The following SPTLC2 variants were observed in gnomAD, a reference collection of about 807,000 sequenced individuals.
SPTLC2 encodes serine palmitoyltransferase 2.
Under a neutral mutation model 62.0 loss-of-function variants are expected in SPTLC2, and 21 were observed. The observed-to-expected ratio is 0.34, with a 90% CI of 0.24 to 0.49. The LOEUF is 0.49. Ranked by LOEUF, SPTLC2 falls within the 20% of genes least tolerant of loss-of-function variation. The pLI, the probability that SPTLC2 is intolerant of heterozygous loss-of-function variation, is 0.99. For synonymous variants in SPTLC2, 261 were observed against 261.8 expected (o/e 1.00, Z 0.03); for missense variants, 511 against 713.0 (o/e 0.72, Z 3.23).
chr14:77,513,375 T>G (rs12436626), intron 11 of SPTLC2, among the ~76,000 whole-genome samples: 10,232 of 152,240 alleles, frequency 0.067, 522 homozygotes, highest in Admixed American at 0.16. Context: ...CCAGTATTAC[T>G]GATGTATTGT....
At chr14:77,549,860 C>T (rs898686650) in intron 9 of SPTLC2, among the ~76,000 whole-genome samples, 2 of 152,200 alleles carry the variant, frequency 1.3e-5, no homozygotes, top group Non-Finnish European at 2.9e-5. Context: ...GGTAATGTGT[C>T]ACACAGATCC....
At chr14:77,572,122 A>G (rs1315053437) in intron 4 of SPTLC2, among the ~76,000 whole-genome samples, 1 of 152,256 alleles carries the variant, frequency 6.6e-6, no homozygotes, top group African/African-American at 2.4e-5. Context: ...CCATAAAGGC[A>G]TAATGTATCC....
intron 9 of SPTLC2, among the ~76,000 whole-genome samples, chr14:77,522,304 G>A (rs1488065159): frequency 4.6e-5 from 7 of 151,856 alleles, no homozygotes; most frequent in Admixed American, 1.3e-4. Context: ...CTGGGGTTAC[G>A]GGTGCACATC....
Position 77,512,383 on chromosome 14 carries a change from T to G in SPTLC2, c.1590A>C (p.Glu530Asp), listed in dbSNP as rs769662642. The change falls in exon 12 of 12, where the codon GAA becomes GAC. Residue 530 changes from glutamate (E) to aspartate (D), a missense_variant. Physicochemically the swap from Glu to Asp is conservative, Grantham distance 45. Transcript: ENST00000216484. ...ILDTALKEIDEVGDLLQLKYS... is the reference protein window; with the variant it reads ...ILDTALKEIDDVGDLLQLKYS... ...ACTTCAGCTGCAATAGGTCCCCAACTTCATCTATCTCCTTTAAAGCCTAAA... is the reference window on the plus strand; with the variant it reads ...ACTTCAGCTGCAATAGGTCCCCAACGTCATCTATCTCCTTTAAAGCCTAAA... 6.2e-6 allele frequency: 10 copies of G among 1,614,238 alleles called. No individual in the cohort carries two copies. The highest frequency in any genetic ancestry group is 7.6e-6 in the Non-Finnish European group (9 of 1,180,040).
chr14:77,597,544 G>A (rs1235497228), intron 1 of SPTLC2, among the ~76,000 whole-genome samples, 164 bp from the exon 2 acceptor site: 1 of 152,102 alleles, frequency 6.6e-6, no homozygotes, highest in Non-Finnish European at 1.5e-5. Context: ...GGAGGCTGAG[G>A]CGGGCAGATC....
intron 1 of SPTLC2, among the ~76,000 whole-genome samples, chr14:77,610,886 T>C (rs2079931810): frequency 1.3e-5 from 2 of 150,300 alleles, no homozygotes; most frequent in Admixed American, 1.3e-4. Flanking sequence ...TCTCCCTCTC[T>C]CTCTGTCTCC....
At chr14:77,533,478 C>T (rs1026815048) in intron 9 of SPTLC2, among the ~76,000 whole-genome samples, 4 of 152,102 alleles carry the variant, frequency 2.6e-5, no homozygotes, top group Non-Finnish European at 4.4e-5. Flanking sequence ...GGACCTAACA[C>T]CTTTACCAAA....
rs1458871280 is a variant in SPTLC2, at chr14:77,521,530, C to T, written c.1355G>A (p.Arg452His). The change falls in exon 10 of 12, where the codon CGC becomes CAC. Residue 452 changes from arginine to histidine, a missense_variant. Coordinates refer to ENST00000216484, the MANE Select transcript of SPTLC2 (RefSeq NM_004863.4). Reference protein sequence around the residue: ...LAENTRYFRRRLKEMGFIIYG... With the variant: ...LAENTRYFRRHLKEMGFIIYG... ...GATGATGAAGCCCATCTCTTTCAGGCGTCTCCTGAAATACCTGGTGTTTTC... is the reference window on the plus strand; with the variant it reads ...GATGATGAAGCCCATCTCTTTCAGGTGTCTCCTGAAATACCTGGTGTTTTC... 5.6e-6 allele frequency: 9 copies of T among 1,613,454 alleles called. No homozygotes were observed. Among genetic ancestry groups the T allele is most frequent in the East Asian group, 2.2e-5 (1 of 44,886 alleles).
chr14:77,608,521 T>C (rs957209665), intron 1 of SPTLC2, among the ~76,000 whole-genome samples: 6 of 152,358 alleles, frequency 3.9e-5, no homozygotes, highest in South Asian at 4.1e-4. Flanking sequence ...TCAATACTTA[T>C]TGAGTCCCTG....
At chr14:77,549,613 C>T (rs1035715977) in intron 9 of SPTLC2, among the ~76,000 whole-genome samples, 2 of 152,140 alleles carry the variant, frequency 1.3e-5, no homozygotes, top group East Asian at 3.8e-4. Flanking sequence ...CAGCCCCAGA[C>T]AACAGAGCAA....
intron 6 of SPTLC2, among the ~76,000 whole-genome samples, chr14:77,559,319 T>A (rs2079602337): frequency 6.6e-6 from 1 of 151,770 alleles, no homozygotes; most frequent in Non-Finnish European, 1.5e-5. Context: ...CAAGACTGTT[T>A]CAAAAAAAAG....
intron 1 of SPTLC2, among the ~76,000 whole-genome samples, chr14:77,609,869 C>A (rs1489635927): frequency 2.0e-5 from 3 of 152,068 alleles, no homozygotes; most frequent in African/African-American, 7.2e-5. Flanking sequence ...AACAGTAACA[C>A]CCTGAATCAA....
At chr14:77,586,535 T>C (rs1566788114) in intron 2 of SPTLC2, among the ~76,000 whole-genome samples, 1 of 152,164 alleles carries the variant, frequency 6.6e-6, no homozygotes, top group Non-Finnish European at 1.5e-5. Context: ...TAACAAAATG[T>C]GGTATATCCA....
intron 8 of SPTLC2, chr14:77,554,948 G>T: frequency 1.2e-5 from 4 of 333,974 alleles, no homozygotes; most frequent in South Asian, 5.4e-5. Context: ...TATTCCCATG[G>T]GCTCCCATGA....
intron 2 of SPTLC2, among the ~76,000 whole-genome samples, chr14:77,580,460 A>G (rs1185851212): frequency 1.4e-5 from 2 of 146,690 alleles, no homozygotes; most frequent in Admixed American, 7.1e-5. Flanking sequence ...CCTGGGCAAC[A>G]GAATGAGACT....
At chr14:77,533,403 G>C (rs2079451569) in intron 9 of SPTLC2, among the ~76,000 whole-genome samples, 1 of 151,660 alleles carries the variant, frequency 6.6e-6, no homozygotes, top group Admixed American at 6.6e-5. Flanking sequence ...ATGCTCTCTA[G>C]GATGACTGGA....
At chr14:77,559,166 A>C (rs922497976) in intron 6 of SPTLC2, among the ~76,000 whole-genome samples, 8 of 151,576 alleles carry the variant, frequency 5.3e-5, no homozygotes, top group Admixed American at 4.0e-4. Context: ...CTAAAAATAC[A>C]AAAAAAATTA....
At chr14:77,576,662 T>A (rs1249758904) in intron 4 of SPTLC2, 105 bp downstream of exon 4, 1 of 1,488,016 alleles carries the variant, frequency 6.7e-7, no homozygotes, top group Non-Finnish European at 9.3e-7. Flanking sequence ...CTAAATGACA[T>A]GACAAAGTGT....
chr14:77,608,739 C>T (rs2079918533), intron 1 of SPTLC2, among the ~76,000 whole-genome samples: 1 of 151,952 alleles, frequency 6.6e-6, no homozygotes, highest in African/African-American at 2.4e-5. Context: ...GCTTTCCAGG[C>T]TGAGGTAACT....
Sources: gnomAD v4.1 joint callset for allele counts (sites outside exome capture counted in the v4.1 genomes callset) on GRCh38, gnomAD v4.1.1 for gene constraint, MANE v1.5 for transcripts, NCBI Gene and HGNC (gene_info 2026-07-23, HGNC 2026-07-21) for gene names.